The following MRPL42 variants were observed in gnomAD, a reference collection of about 807,000 sequenced individuals.
MRPL42 encodes mitochondrial ribosomal protein L42.
MRPL42 carries 17 observed loss-of-function variants against 17.9 expected under a neutral mutation model. The observed-to-expected ratio is 0.95, with a 90% CI of 0.65 to 1.42. The LOEUF (loss-of-function observed/expected upper bound fraction) is 1.42. MRPL42 is among the 40% of genes most tolerant of loss of function. The pLI is 0.00. For synonymous variants in MRPL42, 59 were observed against 54.4 expected, an observed-to-expected ratio of 1.08 and a Z score of -0.37; for missense variants, 177 against 175.2, an observed-to-expected ratio of 1.01 and a Z score of -0.06.
Position 93,514,341 on chromosome 12 carries a change from C to T in MRPL42, c.*13120C>T, listed in dbSNP as rs1395286526. ...GAGATGGCGTCTCCTCTGTCAATCT[C>T]GGTTCATTGCAACCTCCACCTCCCA... On this transcript the variant is annotated 3_prime_UTR_variant, in exon 6 of 6. Coordinates refer to ENST00000549982, the MANE Select transcript of MRPL42 (RefSeq NM_014050.4). 2.9e-5 allele frequency: 4 copies of T among 139,130 alleles called. No individual in the cohort carries two copies. Among genetic ancestry groups the T allele is most frequent in the Non-Finnish European group, 3.0e-5 (2 of 66,112 alleles). The allele number at this position is 139,130 out of a possible 1,614,324, so 8.6% of individuals were successfully genotyped here. A position where few individuals can be genotyped will look rare whatever the true frequency, so the allele number is the denominator to read the frequency against.
intron 4 of MRPL42, among the ~76,000 whole-genome samples, chr12:93,483,559 A>G (rs868305447): frequency 6.6e-6 from 1 of 152,196 alleles, no homozygotes; most frequent in Non-Finnish European, 1.5e-5. Flanking sequence ...TGTGCTATAA[A>G]AGATAAAATG....
In MRPL42 at chr12:93,469,265, T is replaced by G; in HGVS notation, c.-21T>G. The G allele has an allele frequency of 6.3e-7, 1 of 1,592,162 alleles. No individual in the cohort carries two copies. ...TCAGAACATCTTTTTTCATACCACT[T>G]GATAAGCATCTTGAAACACCATGGC... On this transcript the variant is annotated 5_prime_UTR_variant, in exon 2 of 6. Coordinates refer to ENST00000549982, the MANE Select transcript of MRPL42 (RefSeq NM_014050.4).
intron 4 of MRPL42, among the ~76,000 whole-genome samples, chr12:93,484,979 C>CACACATATAT (rs1555201395): frequency 4.4e-5 from 1 of 22,472 alleles, no homozygotes; most frequent in African/African-American, 1.1e-4. Context: ...CACACACACA[C>CACACATATAT]ATATATATAT....
intron 5 of MRPL42, among the ~76,000 whole-genome samples, chr12:93,494,571 A>G (rs4597163): frequency 0.71 from 108,078 of 152,038 alleles, 38,733 homozygotes; most frequent in African/African-American, 0.77. Context: ...CATCAGAAGC[A>G]CAGTTAGACA....
chr12:93,495,145 A>G (rs2121260544), intron 5 of MRPL42, among the ~76,000 whole-genome samples: 1 of 152,306 alleles, frequency 6.6e-6, no homozygotes, highest in Middle Eastern at 3.4e-3. Flanking sequence ...CTTTTCACCC[A>G]ATAAACCCTG....
chr12:93,469,108 G>A (rs1254355181), intron 1 of MRPL42, 84 bp from the exon 2 acceptor site: 4 of 517,542 alleles, frequency 7.7e-6, no homozygotes, highest in South Asian at 6.3e-5. Flanking sequence ...CTTCTAGGCA[G>A]TGATTCTTAC....
chr12:93,469,155 C>T (rs1046848808), intron 1 of MRPL42, 37 bp from the exon 2 acceptor site: 13 of 620,080 alleles, frequency 2.1e-5, no homozygotes, highest in African/African-American at 2.1e-4. Flanking sequence ...TTAAATTTAC[C>T]ATAGGTAGCA....
intron 5 of MRPL42, chr12:93,488,264 C>G (rs1343096101): frequency 5.0e-6 from 2 of 397,976 alleles, no homozygotes; most frequent in African/African-American, 4.1e-5. Context: ...GCCACCGAGC[C>G]TGGCTCTTTT....
Position 93,470,513 on chromosome 12 carries a change from AC to A in MRPL42, c.70+1159del, listed in dbSNP as rs554977797. 206 of 1,294,092 alleles carry A rather than the reference AC, an allele frequency of 1.6e-4. No homozygotes were observed. In the African/African-American group the frequency reaches 2.9e-3, roughly 19 times the overall value. The allele number at this position is 1,294,092 out of a possible 1,614,324, so 80.2% of individuals were successfully genotyped here. A position where few individuals can be genotyped will look rare whatever the true frequency, so the allele number is the denominator to read the frequency against. ...TCGGGCGTACATGTGCAGGTTTGTT[AC>A]GTGGATGTATTACATATACTGAGGT... On this transcript the variant is annotated intron_variant, in intron 2 of 5. Coordinates refer to ENST00000549982, the MANE Select transcript of MRPL42 (RefSeq NM_014050.4).
At chr12:93,485,652 A>G (rs1190320105) in intron 4 of MRPL42, among the ~76,000 whole-genome samples, 2 of 152,188 alleles carry the variant, frequency 1.3e-5, no homozygotes. Context: ...AGGCAGTGTT[A>G]CAATCTTGTT....
rs1316559348 is a variant in MRPL42, at chr12:93,504,147, A to C, written c.*2926A>C. 6.5e-6 allele frequency: 1 copy of C among 153,844 alleles called. No individual in the cohort carries two copies. The highest frequency in any genetic ancestry group is 1.5e-5 in the Non-Finnish European group (1 of 68,020). The allele number at this position is 153,844 out of a possible 1,614,324, so 9.5% of individuals were successfully genotyped here. ...TTAAAGTCAGTGGTTTAAACTGTAT[A>C]CTTTTTGGGTTTTGGAGATGGAGGT... On this transcript the variant is annotated 3_prime_UTR_variant, in exon 6 of 6. Transcript: ENST00000549982.
chr12:93,482,578 C>A (rs1474788138), intron 4 of MRPL42, among the ~76,000 whole-genome samples: 1 of 152,120 alleles, frequency 6.6e-6, no homozygotes, highest in Non-Finnish European at 1.5e-5. Context: ...CATCAGAAAG[C>A]ATGGAAAGTT....
In MRPL42 at chr12:93,510,529, T is replaced by C. The variant is rs1671193741; in HGVS notation, c.*9308T>C. ...TTTGTAAAAAACCACCAAACTGTCCTACAGAGAGGCTGTACCATTTTGCAT... is the reference window on the plus strand; with the variant it reads ...TTTGTAAAAAACCACCAAACTGTCCCACAGAGAGGCTGTACCATTTTGCAT... On this transcript the variant is annotated 3_prime_UTR_variant, in exon 6 of 6. Coordinates refer to ENST00000549982, the MANE Select transcript of MRPL42 (RefSeq NM_014050.4). 6.6e-6 allele frequency: 1 copy of C among 152,250 alleles called. No individual in the cohort carries two copies. The highest frequency in any genetic ancestry group is 6.5e-5 in the Admixed American group (1 of 15,288). The allele number at this position is 152,250 out of a possible 1,614,324, so 9.4% of individuals were successfully genotyped here. A position where few individuals can be genotyped will look rare whatever the true frequency, so the allele number is the denominator to read the frequency against.
At chr12:93,478,259 T>C (rs1880279221) in intron 3 of MRPL42, among the ~76,000 whole-genome samples, 1 of 151,762 alleles carries the variant, frequency 6.6e-6, no homozygotes, top group South Asian at 2.1e-4. Context: ...GTTGGCCTTT[T>C]ATTTTTGAGA....
Position 93,513,082 on chromosome 12 carries a change from A to G in MRPL42, c.*11861A>G, listed in dbSNP as rs370515000. 8.7e-4 allele frequency: 132 copies of G among 152,098 alleles called. No individual in the cohort carries two copies. The highest frequency in any genetic ancestry group is 3.1e-3 in the African/African-American group (128 of 41,522). The allele number at this position is 152,098 out of a possible 1,614,324, so 9.4% of individuals were successfully genotyped here. ...AATATTTTTTAAAAACCATGGAAACAGTTTAGATATACATCAATCCATGAA... is the reference window on the plus strand; with the variant it reads ...AATATTTTTTAAAAACCATGGAAACGGTTTAGATATACATCAATCCATGAA... On this transcript the variant is annotated 3_prime_UTR_variant, in exon 6 of 6. Transcript: ENST00000549982.
At chr12:93,470,390 C>T in intron 2 of MRPL42, 1 of 1,080,954 alleles carries the variant, frequency 9.3e-7, no homozygotes, top group South Asian at 2.3e-5. Context: ...GGAAGCTTTC[C>T]ATTTCTAAAG....
At chr12:93,476,479 C>CA (rs1431152241) in intron 2 of MRPL42, among the ~76,000 whole-genome samples, 3 of 152,150 alleles carry the variant, frequency 2.0e-5, no homozygotes, top group East Asian at 1.9e-4. Context: ...CCAGATACTT[C>CA]AAGTTCTTTC....
chr12:93,470,617 C>A (rs1332101833), intron 2 of MRPL42: 3 of 1,146,490 alleles, frequency 2.6e-6, no homozygotes, highest in Non-Finnish European at 1.1e-6. Context: ...TCCCTCCATC[C>A]CTCCATTCTG....
intron 2 of MRPL42, among the ~76,000 whole-genome samples, chr12:93,471,351 G>A (rs1879900319): frequency 6.6e-6 from 1 of 151,858 alleles, no homozygotes; most frequent in Non-Finnish European, 1.5e-5. Context: ...TTTAGTAGAG[G>A]TAAAGTTTCA....
Sources: allele counts gnomAD v4.1 joint callset (sites outside exome capture counted in the v4.1 genomes callset), GRCh38; gene constraint gnomAD v4.1.1; transcripts MANE v1.5; gene names NCBI Gene and HGNC (gene_info 2026-07-23, HGNC 2026-07-21).